Variants in CDH18 observed in about 807,000 individuals in gnomAD.
CDH18 encodes cadherin-18.
CDH18 carries 31 observed loss-of-function variants against 67.9 expected under a neutral mutation model. The ratio of observed to expected loss-of-function variants is 0.46; its 90% CI spans 0.34 to 0.62. CDH18 has a LOEUF of 0.62. Ranked by LOEUF, CDH18 falls within the 20% of genes least tolerant of loss-of-function variation. The probability of loss-of-function intolerance (pLI) is 0.01; values close to 1 mark genes in which losing one functional copy is unlikely to be tolerated. For missense variants in CDH18, 890 were observed against 975.5 expected, an observed-to-expected ratio of 0.91 and a Z score of 1.17; for synonymous variants, 362 against 347.2, an observed-to-expected ratio of 1.04 and a Z score of -0.48.
intron 1 of CDH18, among the ~76,000 whole-genome samples, chr5:20,507,273 T>C (rs1754717814): frequency 6.6e-6 from 1 of 152,184 alleles, no homozygotes; most frequent in South Asian, 2.1e-4. Context: ...ACGTTTTTGG[T>C]GGATTTACAG....
chr5:20,520,614 A>G (rs972108105), intron 1 of CDH18, among the ~76,000 whole-genome samples: 2 of 152,190 alleles, frequency 1.3e-5, no homozygotes, highest in East Asian at 1.9e-4. Context: ...TATTTAAATA[A>G]TTAAGAAAGA....
At position 19,539,335 on chromosome 5, in the gene CDH18, C is replaced by A. The variant is rs548798279; in HGVS notation, c.1390+4534G>T. Among the ~76,000 whole-genome samples, 3 of 152,120 alleles carry A rather than the reference C, an allele frequency of 2.0e-5. No homozygotes were observed. In the East Asian group the frequency reaches 5.8e-4, roughly 29 times the overall value. On this transcript the variant is annotated intron_variant, in intron 9 of 12. Coordinates refer to ENST00000382275, the MANE Select transcript of CDH18 (RefSeq NM_004934.5). ...AAGTACTGCACATAATAAAAATATA[C>A]CTATATTTTACCAAGTAAATATATA...
chr5:20,245,945 C>T (rs1023290052), intron 2 of CDH18, among the ~76,000 whole-genome samples: 1 of 152,018 alleles, frequency 6.6e-6, no homozygotes, highest in African/African-American at 2.4e-5. Flanking sequence ...CAGTGTGATG[C>T]TGAGATGTTG....
intron 1 of CDH18, among the ~76,000 whole-genome samples, chr5:20,471,833 T>TTAAAAAAAAAAAA (rs757184101): frequency 2.1e-4 from 11 of 51,488 alleles, no homozygotes; most frequent in African/African-American, 7.1e-4. Flanking sequence ...AGATTCAGTC[T>TTAAAAAAAAAAAA]AAAAAAAAAA....
At chr5:20,565,698 A>G (rs1203930802) in intron 1 of CDH18, among the ~76,000 whole-genome samples, 1 of 151,736 alleles carries the variant, frequency 6.6e-6, no homozygotes, top group Non-Finnish European at 1.5e-5. Context: ...GCATATAATC[A>G]ATGTGCTTCA....
intron 3 of CDH18, among the ~76,000 whole-genome samples, chr5:19,795,762 C>T (rs188139552): frequency 3.3e-5 from 5 of 151,890 alleles, no homozygotes; most frequent in Admixed American, 6.6e-5. Flanking sequence ...ATGTCAACAC[C>T]GCAATGAACC....
intron 1 of CDH18, among the ~76,000 whole-genome samples, chr5:20,514,885 A>G (rs1755265077): frequency 6.6e-6 from 1 of 152,132 alleles, no homozygotes; most frequent in South Asian, 2.1e-4. Flanking sequence ...CTGGTGACTT[A>G]AGCATTAGCA....
At chr5:19,629,513 A>G (rs993940551) in intron 5 of CDH18, among the ~76,000 whole-genome samples, 5 of 152,206 alleles carry the variant, frequency 3.3e-5, no homozygotes, top group Non-Finnish European at 7.3e-5. Context: ...TCCCTCTTGA[A>G]TCTTCATTCC....
At chr5:20,341,462 C>G (rs567217965) in intron 1 of CDH18, among the ~76,000 whole-genome samples, 1 of 151,680 alleles carries the variant, frequency 6.6e-6, no homozygotes, top group Admixed American at 6.6e-5. Context: ...ATTTTGGGAC[C>G]TTGTGATGAT....
At chr5:19,577,536 G>A (rs1051398240) in intron 7 of CDH18, among the ~76,000 whole-genome samples, 5 of 152,052 alleles carry the variant, frequency 3.3e-5, no homozygotes, top group African/African-American at 1.2e-4. Flanking sequence ...TAATTTCACA[G>A]GTCCACAGAT....
In CDH18 at chr5:20,557,908, TG is replaced by T. The variant is rs1561128839; in HGVS notation, c.-580+17553del. Reference sequence around the variant, plus strand: ...AATGTTATAGTTATATAACATTTAATGTTATAGTTATATAACATTTAATGTT... The same window carrying T: ...AATGTTATAGTTATATAACATTTAATTTATAGTTATATAACATTTAATGTT... On this transcript the variant is annotated intron_variant, in intron 1 of 14. Transcript: ENST00000507958. 1.1e-3 allele frequency among the ~76,000 whole-genome samples: 77 copies of T among 71,598 alleles called. 1 individual carries two copies. Among genetic ancestry groups the T allele is most frequent in the East Asian group, 7.5e-3 (7 of 932 alleles). 47.0% of individuals were successfully genotyped at this position (71,598 alleles called of 152,430 possible). A position where few individuals can be genotyped will look rare whatever the true frequency, so the allele number is the denominator to read the frequency against.
chr5:19,705,433 G>A (rs1010328143), intron 5 of CDH18, among the ~76,000 whole-genome samples: 1 of 152,110 alleles, frequency 6.6e-6, no homozygotes, highest in Non-Finnish European at 1.5e-5. Flanking sequence ...CCTATGCCAT[G>A]AGTAATCCAT....
At chr5:20,346,727 C>T (rs542569136) in intron 1 of CDH18, among the ~76,000 whole-genome samples, 1 of 152,062 alleles carries the variant, frequency 6.6e-6, no homozygotes, top group East Asian at 1.9e-4. Flanking sequence ...CAAACAGAAA[C>T]GAGGAGTAGG....
intron 2 of CDH18, among the ~76,000 whole-genome samples, chr5:20,159,513 T>A (rs1275339255): frequency 1.3e-5 from 2 of 152,142 alleles, no homozygotes; most frequent in African/African-American, 4.8e-5. Context: ...CCAAGATAAA[T>A]AACTCTTTTG....
intron 5 of CDH18, among the ~76,000 whole-genome samples, chr5:19,626,214 A>T (rs1751518409): frequency 6.6e-6 from 1 of 152,216 alleles, no homozygotes; most frequent in African/African-American, 2.4e-5. Context: ...CCAAGAAAAA[A>T]ATAAAAACAT....
At chr5:19,539,533 G>T (rs1749915262) in intron 9 of CDH18, among the ~76,000 whole-genome samples, 1 of 152,102 alleles carries the variant, frequency 6.6e-6, no homozygotes, top group Non-Finnish European at 1.5e-5. Flanking sequence ...GCTTCTGATT[G>T]AAATGCTTCT....
intron 5 of CDH18, among the ~76,000 whole-genome samples, chr5:19,631,019 T>C (rs955019948): frequency 2.0e-5 from 3 of 152,002 alleles, no homozygotes; most frequent in African/African-American, 7.2e-5. Context: ...CTTATTTTAA[T>C]GCTCTTCAAT....
At chr5:20,146,848 G>T (rs1192336033) in intron 2 of CDH18, among the ~76,000 whole-genome samples, 1 of 151,870 alleles carries the variant, frequency 6.6e-6, no homozygotes, top group African/African-American at 2.4e-5. Context: ...AAAGAACAAT[G>T]ATTTCTTTAT....
chr5:19,627,835 A>T (rs1310927583), intron 5 of CDH18, among the ~76,000 whole-genome samples: 1 of 152,160 alleles, frequency 6.6e-6, no homozygotes, highest in Non-Finnish European at 1.5e-5. Flanking sequence ...AGGTACATTC[A>T]TGGGACCAGA....
Sources: gnomAD v4.1 joint callset for allele counts (sites outside exome capture counted in the v4.1 genomes callset) on GRCh38, gnomAD v4.1.1 for gene constraint, MANE v1.5 for transcripts, NCBI Gene and HGNC (gene_info 2026-07-23, HGNC 2026-07-21) for gene names.